CA10: variants seen among roughly 807,000 people sequenced by gnomAD.
The protein encoded by CA10 is carbonic anhydrase 10 (inactive), also known as carbonic anhydrase-related protein 10.
A neutral mutation model predicts 44.2 loss-of-function variants in CA10; 14 were observed. The observed-to-expected ratio is 0.32, with a 90% confidence interval of 0.21 to 0.50. The LOEUF (loss-of-function observed/expected upper bound fraction) is 0.50. Ranked by LOEUF, CA10 falls within the 20% of genes least tolerant of loss-of-function variation. CA10 has a pLI of 0.99. For missense variants in CA10, 350 were observed against 409.7 expected, an observed-to-expected ratio of 0.85 and a Z score of 1.26; for synonymous variants, 159 against 141.6, an observed-to-expected ratio of 1.12 and a Z score of -0.87.
At chr17:51,892,651 G>A (rs2143912635) in intron 3 of CA10, among the ~76,000 whole-genome samples, 1 of 152,288 alleles carries the variant, frequency 6.6e-6, no homozygotes, top group South Asian at 2.1e-4. Context: ...ATTCTCCCTA[G>A]CCAATTCCGG....
At chr17:52,078,433 A>AGTG (rs1452916719) in intron 1 of CA10, among the ~76,000 whole-genome samples, 1 of 152,234 alleles carries the variant, frequency 6.6e-6, no homozygotes, top group Non-Finnish European at 1.5e-5. Context: ...ACCTGTGCCA[A>AGTG]GTGGTCTACA....
intron 2 of CA10, 121 bp from the exon 3 acceptor site, chr17:51,931,253 T>C (rs1982647689): frequency 4.5e-6 from 4 of 892,862 alleles, no homozygotes; most frequent in Admixed American, 2.4e-5. Context: ...TTCCCACCCA[T>C]GGAGATCCTT....
At chr17:51,942,646 G>A (rs191495515) in intron 2 of CA10, among the ~76,000 whole-genome samples, 10 of 151,652 alleles carry the variant, frequency 6.6e-5, no homozygotes, top group East Asian at 2.0e-4. Flanking sequence ...GCCTAATGCA[G>A]GTTCCCACTG....
chr17:51,832,042 C>G (rs915884416), intron 3 of CA10, among the ~76,000 whole-genome samples: 2 of 152,140 alleles, frequency 1.3e-5, no homozygotes, highest in African/African-American at 4.8e-5. Context: ...TTCCTGTTTT[C>G]CCCAGGCCAA....
chr17:52,011,014 C>A (rs1274097459), intron 2 of CA10, among the ~76,000 whole-genome samples: 1 of 151,366 alleles, frequency 6.6e-6, no homozygotes, highest in Non-Finnish European at 1.5e-5. Flanking sequence ...GGAGGGGGCA[C>A]AGAGACGGGA....
intron 1 of CA10, among the ~76,000 whole-genome samples, chr17:52,074,029 G>C (rs981956141): frequency 1.3e-5 from 2 of 152,118 alleles, no homozygotes; most frequent in Non-Finnish European, 2.9e-5. Flanking sequence ...AAAGGGTTCT[G>C]ATTCTTCCTC....
At chr17:51,661,730 G>A (rs1284226857) in intron 4 of CA10, 1 of 152,218 alleles carries the variant, frequency 6.6e-6, no homozygotes, top group African/African-American at 2.4e-5. Context: ...CTTGAGGAAG[G>A]TGTCACCTAT....
intron 3 of CA10, among the ~76,000 whole-genome samples, chr17:51,901,599 G>T (rs1981319675): frequency 1.3e-5 from 2 of 152,134 alleles, no homozygotes; most frequent in African/African-American, 4.8e-5. Context: ...AGTGGTGGTG[G>T]TGTGGCAGGG....
intron 3 of CA10, among the ~76,000 whole-genome samples, chr17:51,827,054 T>C (rs536967883): frequency 1.3e-5 from 2 of 152,276 alleles, no homozygotes; most frequent in East Asian, 1.9e-4. Flanking sequence ...ACTTTCTTTA[T>C]GAGGCCTTCC....
At chr17:52,032,966 G>A (rs1986512251) in intron 2 of CA10, among the ~76,000 whole-genome samples, 1 of 152,082 alleles carries the variant, frequency 6.6e-6, no homozygotes, top group Non-Finnish European at 1.5e-5. Context: ...ACACAAAGGA[G>A]AACCCTAATT....
intron 3 of CA10, 80 bp from the exon 4 acceptor site, chr17:51,747,898 A>G: frequency 1.8e-6 from 2 of 1,100,436 alleles, no homozygotes; most frequent in Non-Finnish European, 2.6e-6. Flanking sequence ...GCTTGGATCA[A>G]CACCTTTTGC....
At chr17:52,042,427 T>C (rs1304627316) in intron 2 of CA10, among the ~76,000 whole-genome samples, 1 of 152,056 alleles carries the variant, frequency 6.6e-6, no homozygotes, top group African/African-American at 2.4e-5. Flanking sequence ...ATTTGCACAA[T>C]TTTAAATTAG....
chr17:51,918,771 G>C (rs1982106920), intron 3 of CA10, among the ~76,000 whole-genome samples: 1 of 152,158 alleles, frequency 6.6e-6, no homozygotes, highest in Non-Finnish European at 1.5e-5. Context: ...TAGGCTGAAT[G>C]GCTTATTTTC....
intron 3 of CA10, among the ~76,000 whole-genome samples, chr17:51,824,314 A>T (rs1326669363): frequency 6.6e-6 from 1 of 152,188 alleles, no homozygotes; most frequent in Non-Finnish European, 1.5e-5. Context: ...GATCTCATTT[A>T]ATACATCCCT....
rs141370586 is a variant in CA10 at position 51,653,955 on chromosome 17, C to T, written c.466-219G>A. On this transcript the variant is annotated intron_variant, in intron 4 of 8. Coordinates refer to ENST00000451037, the MANE Select transcript of CA10 (RefSeq NM_020178.5). ...ACCCATACATATTTGCAAATGTTTT[C>T]TGGTAACAAGCATGCTTTTCATAAG... 2.6e-5 allele frequency among the ~76,000 whole-genome samples: 4 copies of T among 152,334 alleles called. No homozygotes were observed. In the East Asian group the frequency reaches 7.7e-4, roughly 29 times the overall value.
intron 8 of CA10, 111 bp downstream of exon 8, chr17:51,633,365 T>C: frequency 9.4e-7 from 1 of 1,064,126 alleles, no homozygotes; most frequent in Non-Finnish European, 1.4e-6. Flanking sequence ...TATTGTCATT[T>C]ACAGTCATCA....
chr17:51,637,791 A>ACTCAG (rs1912899160), intron 6 of CA10, among the ~76,000 whole-genome samples: 1 of 152,130 alleles, frequency 6.6e-6, no homozygotes, highest in Non-Finnish European at 1.5e-5. Context: ...GGAAATTAGA[A>ACTCAG]CTCAGCTCTT....
intron 2 of CA10, among the ~76,000 whole-genome samples, chr17:52,011,521 A>AC (rs1203471630): frequency 1.3e-5 from 2 of 152,092 alleles, no homozygotes; most frequent in African/African-American, 4.8e-5. Flanking sequence ...AATTATATTA[A>AC]CCAATATATA....
intron 3 of CA10, among the ~76,000 whole-genome samples, chr17:51,910,494 G>A (rs1226846730): frequency 1.3e-5 from 2 of 152,036 alleles, no homozygotes; most frequent in African/African-American, 2.4e-5. Context: ...CTAACATTAC[G>A]TTTAACAACA....
Sources: gnomAD v4.1 joint callset for allele counts (sites outside exome capture counted in the v4.1 genomes callset) on GRCh38, gnomAD v4.1.1 for gene constraint, MANE v1.5 for transcripts, NCBI Gene and HGNC (gene_info 2026-07-23, HGNC 2026-07-21) for gene names.